RHOBTB3: variants seen among roughly 807,000 people sequenced by gnomAD.
The protein encoded by RHOBTB3 is rho-related BTB domain-containing protein 3.
In RHOBTB3, 47 loss-of-function variants were observed where a neutral mutation model predicts 67.2. The observed-to-expected ratio is 0.70, with a 90% CI of 0.55 to 0.89. RHOBTB3 has a LOEUF of 0.89. Among genes scored for constraint, RHOBTB3 ranks in the 40% least tolerant of loss-of-function variants. RHOBTB3 has a pLI of 0.00. For synonymous variants in RHOBTB3, 273 were observed against 274.2 expected (o/e 1.00, Z 0.04); for missense variants, 631 against 750.0 (o/e 0.84, Z 1.85).
At chr5:95,761,961 G>T (rs1466732306) in intron 6 of RHOBTB3, among the ~76,000 whole-genome samples, 1 of 152,174 alleles carries the variant, frequency 6.6e-6, no homozygotes, top group Non-Finnish European at 1.5e-5. Context: ...TGCAGAAAGA[G>T]AAAAACAGAA....
At position 95,751,891 on chromosome 5, in the gene RHOBTB3, A is replaced by G. The variant is rs368210975; in HGVS notation, c.571-348A>G. 2.9e-4 allele frequency among the ~76,000 whole-genome samples: 44 copies of G among 152,284 alleles called. 1 individual carries two copies. The South Asian group carries it at 9.1e-3, about 32-fold the overall frequency. ...TTCATTCTTTTTATGTCTGCATAGT[A>G]TTCCATCGTGTATATGCGCCACGTT... On this transcript the variant is annotated intron_variant, in intron 4 of 11. Transcript: ENST00000379982.
At chr5:95,742,724 A>G (rs1755633561) in intron 3 of RHOBTB3, among the ~76,000 whole-genome samples, 1 of 152,206 alleles carries the variant, frequency 6.6e-6, no homozygotes, top group South Asian at 2.1e-4. Context: ...CCAGATCTCT[A>G]ATGGCTGTTT....
intron 3 of RHOBTB3, among the ~76,000 whole-genome samples, chr5:95,747,139 T>C (rs1744944723): frequency 1.3e-5 from 2 of 152,148 alleles, no homozygotes; most frequent in South Asian, 4.1e-4. Flanking sequence ...GCCCAAGTTA[T>C]CCCTGCTCCA....
At chr5:95,759,419 A>G (rs1458361142) in intron 6 of RHOBTB3, among the ~76,000 whole-genome samples, 1 of 152,234 alleles carries the variant, frequency 6.6e-6, no homozygotes, top group Non-Finnish European at 1.5e-5. Context: ...CATTTACATT[A>G]TGTTAAAAAG....
At position 95,732,081 on chromosome 5, in the gene RHOBTB3, C is replaced by G. The variant is rs775520161; in HGVS notation, c.225C>G (p.Val75=). ...AGCTGGTGGTCCACGACTGTCCCGT[C>G]TGGGTAAGGAAGAGCAGCTGCTCCG... ...NVKLVVHDCP[V]WDIFDSDWYT... The change falls in exon 2 of 12, where the codon GTC becomes GTG. Residue 75 remains valine, a synonymous_variant. Coordinates refer to ENST00000379982, the MANE Select transcript of RHOBTB3 (RefSeq NM_014899.4). 40 of 1,613,852 alleles carry G rather than the reference C, an allele frequency of 2.5e-5. No homozygotes were observed. The Middle Eastern group carries it at 8.2e-4, about 33-fold the overall frequency.
At chr5:95,771,945 C>A (rs1173913337) in intron 8 of RHOBTB3, among the ~76,000 whole-genome samples, 1 of 129,560 alleles carries the variant, frequency 7.7e-6, no homozygotes, top group Admixed American at 8.9e-5. Flanking sequence ...TTCCACCTTT[C>A]TAAAATTAGC....
Position 95,793,040 on chromosome 5 carries a change from C to G in RHOBTB3, c.1721-19C>G. 8 of 1,549,110 alleles carry G rather than the reference C, an allele frequency of 5.2e-6. No individual in the cohort carries two copies. The highest frequency in any genetic ancestry group is 7.1e-6 in the Non-Finnish European group (8 of 1,123,742). On this transcript the variant is annotated intron_variant, in intron 11 of 11. Transcript: ENST00000379982. ...TAATAAAACATATTCGGTTAACAGT[C>G]TTTTTCTTAAAACTTCAGTGGAAGA...
At chr5:95,778,013 G>A (rs375967573) in intron 8 of RHOBTB3, among the ~76,000 whole-genome samples, 29 of 152,032 alleles carry the variant, frequency 1.9e-4, no homozygotes, top group African/African-American at 7.0e-4. Flanking sequence ...TCAGCTACTC[G>A]GGAGGCTGAG....
chr5:95,721,415 C>T (rs972792440), intron 1 of RHOBTB3, among the ~76,000 whole-genome samples: 4 of 152,122 alleles, frequency 2.6e-5, no homozygotes, highest in Non-Finnish European at 5.9e-5. Context: ...TGAAGATGAA[C>T]ATTGAAAACA....
At chr5:95,732,149 CCCCCTT>C in intron 2 of RHOBTB3, 65 bp downstream of exon 2, 1 of 1,410,274 alleles carries the variant, frequency 7.1e-7, no homozygotes, top group African/African-American at 1.4e-5. Flanking sequence ...TTTTCCCCCT[CCCCCTT>C]CTGCCCACTT....
In RHOBTB3 at chr5:95,773,139, AAG is replaced by A. The variant is rs560091652; in HGVS notation, c.1282+4979_1282+4980del. ...CATGAAAATATATGTCATATTAAAA[AAG>A]AGAGATAAGCAGTGATGTGGTGAAT... On this transcript the variant is annotated intron_variant, in intron 8 of 11. Transcript: ENST00000379982. 4.6e-5 allele frequency among the ~76,000 whole-genome samples: 7 copies of A among 152,352 alleles called. No homozygotes were observed. The South Asian group carries it at 1.4e-3, about 32-fold the overall frequency.
chr5:95,736,985 C>T lies in RHOBTB3; in HGVS notation c.325C>T (p.His109Tyr). The change falls in exon 3 of 12, where the codon CAT (histidine) becomes TAT (tyrosine). Residue 109 changes from histidine to tyrosine, a missense_variant. His to Tyr is a moderately conservative substitution (Grantham distance 83). Transcript: ENST00000379982. ...KYNVNDKFSF[H>Y]EVKDNYIPVI... ...CAACGTTAATGACAAGTTTTCATTC[C>T]ATGAAGTAAAGGATAATTATATTCC... is the stretch of plus-strand genomic sequence containing the variant. 6.2e-7 allele frequency: 1 copy of T among 1,606,418 alleles called. No individual in the cohort carries two copies. The highest frequency in any genetic ancestry group is 1.1e-5 in the South Asian group (1 of 90,712).
intron 9 of RHOBTB3, chr5:95,782,861 GTTTAT>G (rs1746099339): frequency 7.0e-6 from 1 of 143,194 alleles, no homozygotes; most frequent in East Asian, 2.1e-4. Context: ...TTCATGTTAT[GTTTAT>G]TTTATCATAA....
At position 95,731,585 on chromosome 5, in the gene RHOBTB3, A is replaced by G; in HGVS notation, c.-98A>G. ...GCGCGCGAGGGGGACGCGGCCGGGG[A>G]TGAGCGGATTGCGGGTGAACTCGCC... On this transcript the variant is annotated 5_prime_UTR_variant, in exon 1 of 12. The change abolishes an upstream ATG in the 5' untranslated region. Coordinates refer to ENST00000379982, the MANE Select transcript of RHOBTB3 (RefSeq NM_014899.4). 6.4e-7 allele frequency: 1 copy of G among 1,566,152 alleles called. No individual in the cohort carries two copies. Among genetic ancestry groups the G allele is most frequent in the East Asian group, 2.4e-5 (1 of 41,886 alleles).
chr5:95,736,846 G>A (rs1580395396), intron 2 of RHOBTB3, 43 bp from the exon 3 acceptor site: 2 of 1,285,310 alleles, frequency 1.6e-6, no homozygotes, highest in Non-Finnish European at 2.2e-6. Flanking sequence ...GGATTGATTG[G>A]ACGATAAGTA....
intron 1 of RHOBTB3, among the ~76,000 whole-genome samples, chr5:95,724,268 C>A (rs1264109657): frequency 6.6e-6 from 1 of 152,068 alleles, no homozygotes; most frequent in Non-Finnish European, 1.5e-5. Flanking sequence ...TTTTTCAGTC[C>A]CATTATGCAA....
chr5:95,775,851 A>T (rs1234635733), intron 8 of RHOBTB3, among the ~76,000 whole-genome samples: 38 of 152,186 alleles, frequency 2.5e-4, no homozygotes, highest in Non-Finnish European at 7.4e-5. Context: ...TTTATGTCAA[A>T]CTTAAGACAG....
At chr5:95,782,096 A>AT (rs988791777) in intron 9 of RHOBTB3, 14 of 152,236 alleles carry the variant, frequency 9.2e-5, no homozygotes, top group African/African-American at 2.7e-4. Flanking sequence ...TAATGATAGG[A>AT]TTTTTAAAAA....
chr5:95,735,516 G>C (rs1191792021), intron 2 of RHOBTB3, among the ~76,000 whole-genome samples: 1 of 152,122 alleles, frequency 6.6e-6, no homozygotes, highest in Non-Finnish European at 1.5e-5. Context: ...CATAGACCTT[G>C]GTTGGCTGAT....
Sources: gnomAD v4.1 joint callset for allele counts (sites outside exome capture counted in the v4.1 genomes callset) on GRCh38, gnomAD v4.1.1 for gene constraint, MANE v1.5 for transcripts, NCBI Gene and HGNC (gene_info 2026-07-23, HGNC 2026-07-21) for gene names.